NTM: variants seen among roughly 807,000 people sequenced by gnomAD.
NTM encodes neurotrimin, also known as IgLON family member 2.
A neutral mutation model predicts 42.1 loss-of-function variants in NTM; 13 were observed. That is an observed-to-expected ratio of 0.31 (90% CI 0.20 to 0.49). The LOEUF is 0.49. Among genes scored for constraint, NTM ranks in the 20% least tolerant of loss-of-function variants. The pLI, the probability that NTM is intolerant of heterozygous loss-of-function variation, is 0.99. For missense variants in NTM, 373 were observed against 452.8 expected (o/e 0.82, Z 1.60); for synonymous variants, 187 against 179.2 (o/e 1.04, Z -0.35).
At chr11:131,426,599 C>T (rs2135876373) in intron 1 of NTM, among the ~76,000 whole-genome samples, 2 of 152,292 alleles carry the variant, frequency 1.3e-5, no homozygotes, top group East Asian at 1.9e-4. Flanking sequence ...TTATCGATTG[C>T]TGCATTTCGG....
chr11:131,520,242 GT>G (rs1259085277), intron 1 of NTM, among the ~76,000 whole-genome samples: 1 of 152,146 alleles, frequency 6.6e-6, no homozygotes, highest in African/African-American at 2.4e-5. Context: ...TGGAGGCATA[GT>G]TCTAGGTGCT....
intron 1 of NTM, among the ~76,000 whole-genome samples, chr11:131,746,690 A>T (rs543010124): frequency 6.6e-6 from 1 of 152,300 alleles, no homozygotes; most frequent in African/African-American, 2.4e-5. Flanking sequence ...TTATCTTCCA[A>T]GGAGCTCAGT....
chr11:131,505,486 T>G (rs1455299349), intron 1 of NTM, among the ~76,000 whole-genome samples: 1 of 152,200 alleles, frequency 6.6e-6, no homozygotes, highest in Non-Finnish European at 1.5e-5. Context: ...TTTAACAAGA[T>G]TCCCAAGATG....
chr11:131,628,710 G>A (rs746220034), intron 1 of NTM, among the ~76,000 whole-genome samples: 4 of 152,234 alleles, frequency 2.6e-5, no homozygotes, highest in South Asian at 2.1e-4. Flanking sequence ...GGTGCCTCCA[G>A]ACCAAGGGAC....
At chr11:131,645,521 G>A (rs1185412737) in intron 1 of NTM, among the ~76,000 whole-genome samples, 52 of 152,110 alleles carry the variant, frequency 3.4e-4, no homozygotes, top group Non-Finnish European at 2.9e-5. Context: ...CAAACCACAG[G>A]AAATCTATTC....
At chr11:132,058,784 G>A (rs1256547980) in intron 2 of NTM, among the ~76,000 whole-genome samples, 3 of 152,174 alleles carry the variant, frequency 2.0e-5, no homozygotes, top group African/African-American at 2.4e-5. Context: ...TAGGATCACA[G>A]CCCAGGGCCT....
At chr11:132,120,337 A>C (rs549715988) in intron 2 of NTM, among the ~76,000 whole-genome samples, 1 of 152,294 alleles carries the variant, frequency 6.6e-6, no homozygotes, top group East Asian at 1.9e-4. Flanking sequence ...GTAGACTTAG[A>C]AATTTGAAGA....
At chr11:131,424,879 T>C (rs963550881) in intron 1 of NTM, among the ~76,000 whole-genome samples, 1 of 145,644 alleles carries the variant, frequency 6.9e-6, no homozygotes, top group African/African-American at 2.5e-5. Context: ...TTTTTTTTTT[T>C]TATTTTTTTA....
intron 1 of NTM, among the ~76,000 whole-genome samples, chr11:131,615,872 C>A (rs1419638251): frequency 6.6e-6 from 1 of 152,214 alleles, no homozygotes; most frequent in African/African-American, 2.4e-5. Flanking sequence ...GAATGGACAG[C>A]CCATGGTTGA....
intron 1 of NTM, among the ~76,000 whole-genome samples, chr11:131,638,368 A>T (rs1267766842): frequency 6.6e-6 from 1 of 152,058 alleles, no homozygotes; most frequent in African/African-American, 2.4e-5. Flanking sequence ...GGAGTTCAAG[A>T]CCAGCCTGGC....
chr11:132,275,161 T>C (rs753538615), intron 4 of NTM, among the ~76,000 whole-genome samples: 3 of 152,190 alleles, frequency 2.0e-5, no homozygotes, highest in Non-Finnish European at 2.9e-5. Context: ...AGATGTTTTA[T>C]AGTTTTAGCC....
At chr11:132,295,699 G>T (rs192991049) in intron 4 of NTM, among the ~76,000 whole-genome samples, 38 of 152,322 alleles carry the variant, frequency 2.5e-4, no homozygotes, top group African/African-American at 8.7e-4. Flanking sequence ...TCCAGTGGGT[G>T]TAGGGGGAAG....
chr11:131,471,851 C>A (rs1227996469), intron 1 of NTM, among the ~76,000 whole-genome samples: 3 of 152,152 alleles, frequency 2.0e-5, no homozygotes, highest in Admixed American at 6.5e-5. Flanking sequence ...TGTCTTTCCA[C>A]CCTGAGTGTT....
intron 1 of NTM, among the ~76,000 whole-genome samples, chr11:131,397,111 C>T (rs924491709): frequency 6.6e-6 from 1 of 152,032 alleles, no homozygotes; most frequent in African/African-American, 2.4e-5. Flanking sequence ...AGTGACATGC[C>T]CCAGAGTTGA....
At chr11:131,512,879 A>T (rs1303928044) in intron 1 of NTM, among the ~76,000 whole-genome samples, 1 of 151,858 alleles carries the variant, frequency 6.6e-6, no homozygotes, top group African/African-American at 2.4e-5. Context: ...TCTTGACTCA[A>T]AGTTGCTTCT....
chr11:132,334,989 C>A, intron 8 of NTM, 57 bp from the exon 9 acceptor site: 1 of 1,587,962 alleles, frequency 6.3e-7, no homozygotes, highest in South Asian at 1.1e-5. Context: ...AGGCAACCAC[C>A]GGGCTTTCCT....
chr11:131,481,548 C>T (rs1953592990), intron 1 of NTM, among the ~76,000 whole-genome samples: 1 of 152,198 alleles, frequency 6.6e-6, no homozygotes. Context: ...AGCCGTGCTG[C>T]TAAGCCTCAA....
At chr11:131,512,270 T>C (rs407567) in intron 1 of NTM, among the ~76,000 whole-genome samples, 22,874 of 152,254 alleles carry the variant, frequency 0.15, 1,926 homozygotes, top group Middle Eastern at 0.22. Flanking sequence ...GAGTTGGTTC[T>C]TTTGTCTCTC....
At chr11:132,131,780 T>C (rs1156745250) in intron 2 of NTM, among the ~76,000 whole-genome samples, 1 of 151,802 alleles carries the variant, frequency 6.6e-6, no homozygotes, top group Non-Finnish European at 1.5e-5. Flanking sequence ...GCAAAAAGAG[T>C]GACTGGACTG....
Sources: allele counts gnomAD v4.1 joint callset (sites outside exome capture counted in the v4.1 genomes callset), GRCh38; gene constraint gnomAD v4.1.1; transcripts MANE v1.5; gene names NCBI Gene and HGNC (gene_info 2026-07-23, HGNC 2026-07-21).